Variants in GPBP1L1 observed in about 807,000 individuals in gnomAD.
GPBP1L1 encodes vasculin-like protein 1.
GPBP1L1 carries 23 observed loss-of-function variants against 52.5 expected under a neutral mutation model. The observed-to-expected ratio is 0.44, with a 90% CI of 0.32 to 0.62. GPBP1L1 has a LOEUF of 0.62. GPBP1L1 is among the 20% of genes least tolerant of loss of function. The pLI, the probability that GPBP1L1 is intolerant of heterozygous loss-of-function variation, is 0.06. For synonymous variants in GPBP1L1, 243 were observed against 203.1 expected (o/e 1.20, Z -1.67); for missense variants, 596 against 579.3 (o/e 1.03, Z -0.30).
At chr1:45,679,603 G>A (rs1171674796) in intron 2 of GPBP1L1, among the ~76,000 whole-genome samples, 2 of 152,076 alleles carry the variant, frequency 1.3e-5, no homozygotes, top group Non-Finnish European at 2.9e-5. Context: ...CTGGAAGGGG[G>A]CTAAAATGGT....
chr1:45,630,176 C>T (rs1644512061), intron 11 of GPBP1L1, among the ~76,000 whole-genome samples: 1 of 152,214 alleles, frequency 6.6e-6, no homozygotes, highest in Non-Finnish European at 1.5e-5. Context: ...GTCTCAAACT[C>T]TTGACCTTGA....
intron 11 of GPBP1L1, among the ~76,000 whole-genome samples, chr1:45,630,219 G>C (rs945612870): frequency 6.6e-6 from 1 of 152,156 alleles, no homozygotes; most frequent in Non-Finnish European, 1.5e-5. Flanking sequence ...CCAAAGTGCT[G>C]GGATTACAGG....
chr1:45,651,002 T>C, intron 6 of GPBP1L1: 4 of 351,520 alleles, frequency 1.1e-5, no homozygotes, highest in Admixed American at 3.4e-5. Flanking sequence ...TACCTTTTTA[T>C]GTAAAGAAAG....
chr1:45,682,844 C>T (rs1392298707), intron 2 of GPBP1L1, among the ~76,000 whole-genome samples: 1 of 152,080 alleles, frequency 6.6e-6, no homozygotes, highest in Non-Finnish European at 1.5e-5. Context: ...AACTATTTTC[C>T]AAGTTTGATT....
chr1:45,672,827 A>G (rs976350331), intron 2 of GPBP1L1, among the ~76,000 whole-genome samples: 12 of 152,222 alleles, frequency 7.9e-5, no homozygotes, highest in African/African-American at 2.7e-4. Flanking sequence ...ATGTTATTAA[A>G]TAGGATAAAA....
intron 4 of GPBP1L1, among the ~76,000 whole-genome samples, chr1:45,656,722 G>A (rs1246555415): frequency 6.7e-6 from 1 of 150,010 alleles, no homozygotes; most frequent in Non-Finnish European, 1.5e-5. Flanking sequence ...CTGGAGTACA[G>A]TAGCCCGATC....
At chr1:45,655,739 A>G (rs1182666836) in intron 4 of GPBP1L1, 1 of 156,730 alleles carries the variant, frequency 6.4e-6, no homozygotes, top group Non-Finnish European at 1.4e-5. Flanking sequence ...AACGGTTGAA[A>G]TATCACCTTG....
At chr1:45,662,445 G>A (rs1465161129) in intron 2 of GPBP1L1, among the ~76,000 whole-genome samples, 1 of 152,164 alleles carries the variant, frequency 6.6e-6, no homozygotes, top group Non-Finnish European at 1.5e-5. Flanking sequence ...GTGCCTGGCT[G>A]TGGAAATAAT....
intron 2 of GPBP1L1, among the ~76,000 whole-genome samples, chr1:45,674,073 C>CA (rs67521298): frequency 2.1e-3 from 320 of 151,530 alleles, no homozygotes; most frequent in African/African-American, 7.3e-3. Flanking sequence ...GTGAAATTGT[C>CA]AAAAAAAAGA....
chr1:45,651,532 G>A (rs1414103840), intron 6 of GPBP1L1: 5 of 530,132 alleles, frequency 9.4e-6, no homozygotes, highest in Non-Finnish European at 1.7e-5. Context: ...TGTACTTGTG[G>A]GCCAGCTTAA....
chr1:45,638,472 C>G (rs1644625167), intron 8 of GPBP1L1, among the ~76,000 whole-genome samples: 1 of 152,224 alleles, frequency 6.6e-6, no homozygotes, highest in African/African-American at 2.4e-5. Flanking sequence ...CTATTGCAAA[C>G]TCACCCACTT....
intron 9 of GPBP1L1, 191 bp from the exon 10 acceptor site, chr1:45,633,838 A>G (rs566237835): frequency 5.1e-5 from 34 of 671,602 alleles, no homozygotes; most frequent in Middle Eastern, 4.2e-4. Flanking sequence ...GCTGGCTTAC[A>G]TGGCACCTCT....
intron 2 of GPBP1L1, among the ~76,000 whole-genome samples, chr1:45,679,863 G>A (rs1240601934): frequency 7.1e-6 from 1 of 140,864 alleles, no homozygotes; most frequent in Non-Finnish European, 1.5e-5. Context: ...AGAGCAGCCT[G>A]GACAACAGTG....
At chr1:45,645,946 T>G (rs1644739842) in intron 6 of GPBP1L1, 4 of 496,354 alleles carry the variant, frequency 8.1e-6, no homozygotes, top group Admixed American at 6.6e-5. Context: ...GTTCTGCCGT[T>G]TTTCTAGATC....
chr1:45,654,329 C>G (rs911849360), intron 6 of GPBP1L1: 9 of 429,226 alleles, frequency 2.1e-5, no homozygotes, highest in South Asian at 5.3e-5. Flanking sequence ...ATTCCAAAGA[C>G]ACAAAGATGA....
chr1:45,640,631 AG>A (rs1280154230), intron 7 of GPBP1L1, among the ~76,000 whole-genome samples: 3 of 152,366 alleles, frequency 2.0e-5, no homozygotes, highest in Middle Eastern at 3.4e-3. Context: ...TAAATCAGCC[AG>A]GAAGTCCAAA....
intron 9 of GPBP1L1, chr1:45,633,867 T>G: frequency 3.1e-6 from 2 of 649,714 alleles, no homozygotes; most frequent in South Asian, 4.4e-5. Flanking sequence ...TCTACAGACA[T>G]CAGCAGAATG....
intron 8 of GPBP1L1, among the ~76,000 whole-genome samples, chr1:45,637,882 A>C (rs1050758453): frequency 3.3e-5 from 5 of 152,084 alleles, no homozygotes; most frequent in African/African-American, 4.8e-5. Context: ...ACTCCTCACA[A>C]AAAAAAGGGG....
chr1:45,672,866 G>C (rs1323469941), intron 2 of GPBP1L1, among the ~76,000 whole-genome samples: 1 of 152,188 alleles, frequency 6.6e-6, no homozygotes, highest in Admixed American at 6.5e-5. Context: ...GGATTCACAT[G>C]GAAGTGTCAG....
Sources: allele counts gnomAD v4.1 joint callset (sites outside exome capture counted in the v4.1 genomes callset), GRCh38; gene constraint gnomAD v4.1.1; transcripts MANE v1.5; gene names NCBI Gene and HGNC (gene_info 2026-07-23, HGNC 2026-07-21).